ADGRL2: variants seen among roughly 807,000 people sequenced by gnomAD.
ADGRL2 encodes calcium-independent alpha-latrotoxin receptor 2.
In ADGRL2, 44 loss-of-function variants were observed where a neutral mutation model predicts 157.4. The observed-to-expected ratio is 0.28, with a 90% confidence interval of 0.22 to 0.36. ADGRL2 has a LOEUF of 0.36. Ranked by LOEUF, ADGRL2 falls within the 10% of genes least tolerant of loss-of-function variation. The pLI is 1.00. For synonymous variants in ADGRL2, 585 were observed against 624.7 expected, an observed-to-expected ratio of 0.94 and a Z score of 0.95; for missense variants, 1,510 against 1,768.9, an observed-to-expected ratio of 0.85 and a Z score of 2.63.
intron 1 of ADGRL2, among the ~76,000 whole-genome samples, chr1:81,745,907 T>C (rs2085231378): frequency 6.6e-6 from 1 of 152,114 alleles, no homozygotes; most frequent in East Asian, 1.9e-4. Flanking sequence ...ATAAAATGAC[T>C]CGAGGCCAAA....
chr1:81,652,143 C>A (rs1378502541), intron 3 of ADGRL2, among the ~76,000 whole-genome samples: 1 of 152,068 alleles, frequency 6.6e-6, no homozygotes, highest in Admixed American at 6.6e-5. Context: ...ATTTGAGAAT[C>A]CAATAAAAAA....
intron 2 of ADGRL2, among the ~76,000 whole-genome samples, chr1:81,450,125 G>C (rs559485662): frequency 6.6e-6 from 1 of 152,336 alleles, no homozygotes; most frequent in South Asian, 2.1e-4. Flanking sequence ...CTTTAACAGA[G>C]AGAGGGTGGA....
intron 2 of ADGRL2, among the ~76,000 whole-genome samples, chr1:81,901,241 G>T (rs772996402): frequency 6.6e-6 from 1 of 151,870 alleles, no homozygotes; most frequent in Non-Finnish European, 1.5e-5. Flanking sequence ...TTACAAATAC[G>T]TTCAAAAATC....
chr1:81,815,870 A>T (rs2090347691), intron 1 of ADGRL2, among the ~76,000 whole-genome samples: 1 of 151,814 alleles, frequency 6.6e-6, no homozygotes, highest in Non-Finnish European at 1.5e-5. Flanking sequence ...ATTTAGGTTA[A>T]TATTACATGA....
intron 2 of ADGRL2, among the ~76,000 whole-genome samples, chr1:81,534,417 C>T (rs141979318): frequency 4.6e-5 from 7 of 152,312 alleles, no homozygotes; most frequent in African/African-American, 1.7e-4. Context: ...CAGCCTTGGC[C>T]TCCCAAAGTG....
intron 1 of ADGRL2, among the ~76,000 whole-genome samples, chr1:81,367,166 C>A (rs2076080780): frequency 6.6e-6 from 1 of 151,924 alleles, no homozygotes; most frequent in South Asian, 2.1e-4. Flanking sequence ...TTTCTATGTA[C>A]TTGGACAAGC....
At chr1:81,914,919 T>G (rs1169008753) in intron 3 of ADGRL2, among the ~76,000 whole-genome samples, 1 of 152,226 alleles carries the variant, frequency 6.6e-6, no homozygotes, top group Non-Finnish European at 1.5e-5. Flanking sequence ...AAGGGGAGAC[T>G]GTTGGCAGTA....
At chr1:81,503,782 G>C (rs192687701) in intron 2 of ADGRL2, among the ~76,000 whole-genome samples, 106 of 152,244 alleles carry the variant, frequency 7.0e-4, no homozygotes, top group African/African-American at 2.5e-3. Flanking sequence ...ACAGTGTATC[G>C]ACAATCTGTC....
chr1:81,906,321 T>C (rs2094583629), intron 2 of ADGRL2, among the ~76,000 whole-genome samples: 1 of 152,172 alleles, frequency 6.6e-6, no homozygotes, highest in Non-Finnish European at 1.5e-5. Flanking sequence ...ATCATACCAG[T>C]ATGTCACCCA....
rs80067721 is a variant in ADGRL2, at chr1:81,510,094, T to C, written c.-248+65005T>C. ...ATGATGGTAATAAACAGGCTGGTACTACCCACTGATTAAAGTGTCATGATG... is the reference window on the plus strand; with the variant it reads ...ATGATGGTAATAAACAGGCTGGTACCACCCACTGATTAAAGTGTCATGATG... On this transcript the variant is annotated intron_variant, in intron 2 of 24. Transcript: ENST00000370721. Among the ~76,000 whole-genome samples, 1,195 of 152,284 alleles carry C rather than the reference T, an allele frequency of 7.8e-3. 14 individuals carry two copies. The highest frequency in any genetic ancestry group is 0.026 in the African/African-American group (1,099 of 41,552).
chr1:81,596,463 A>G, intron 3 of ADGRL2: 1 of 456,414 alleles, frequency 2.2e-6, no homozygotes, highest in Non-Finnish European at 4.3e-6. Context: ...GTGAATTGTC[A>G]CCTCCGGCTC....
intron 3 of ADGRL2, among the ~76,000 whole-genome samples, chr1:81,635,628 T>A (rs1049781915): frequency 6.6e-6 from 1 of 152,124 alleles, no homozygotes; most frequent in Admixed American, 6.6e-5. Flanking sequence ...ACAGAAGGGG[T>A]AAGAGCTCTC....
intron 1 of ADGRL2, among the ~76,000 whole-genome samples, chr1:81,827,021 T>C (rs147629595): frequency 0.016 from 2,267 of 141,066 alleles, 41 homozygotes; most frequent in East Asian, 0.057. Flanking sequence ...AGTAGACTTA[T>C]GAAAAATAAA....
intron 2 of ADGRL2, among the ~76,000 whole-genome samples, chr1:81,462,685 T>C (rs1482298261): frequency 6.6e-6 from 1 of 152,228 alleles, no homozygotes; most frequent in Non-Finnish European, 1.5e-5. Flanking sequence ...AGTATTTTAT[T>C]AAGTGTTTGA....
At chr1:81,722,348 A>G (rs1266859123) in intron 1 of ADGRL2, 5 of 719,538 alleles carry the variant, frequency 6.9e-6, no homozygotes, top group East Asian at 2.6e-5. Flanking sequence ...ATATGATAAG[A>G]AAGTGGTTGC....
intron 2 of ADGRL2, among the ~76,000 whole-genome samples, chr1:81,869,903 T>C (rs2093647923): frequency 6.6e-6 from 1 of 152,070 alleles, no homozygotes; most frequent in Admixed American, 6.6e-5. Context: ...TGAGAATTTG[T>C]TAGCTATTTG....
chr1:81,869,734 A>G (rs1404753286), intron 2 of ADGRL2, among the ~76,000 whole-genome samples: 1 of 152,088 alleles, frequency 6.6e-6, no homozygotes, highest in Non-Finnish European at 1.5e-5. Flanking sequence ...GTGACTCAGA[A>G]TTGAGTAATA....
intron 2 of ADGRL2, among the ~76,000 whole-genome samples, chr1:81,556,672 T>C (rs2080287601): frequency 1.3e-5 from 2 of 151,992 alleles, no homozygotes; most frequent in Admixed American, 1.3e-4. Context: ...TTTTATAAAG[T>C]ACTCAAGAAA....
chr1:81,425,964 T>A (rs1326071381), intron 1 of ADGRL2, among the ~76,000 whole-genome samples: 1 of 152,106 alleles, frequency 6.6e-6, no homozygotes, highest in Non-Finnish European at 1.5e-5. Context: ...ACTCCTGGGC[T>A]CAGGTTGTTC....
Sources: gnomAD v4.1 joint callset for allele counts (sites outside exome capture counted in the v4.1 genomes callset) on GRCh38, gnomAD v4.1.1 for gene constraint, MANE v1.5 for transcripts, NCBI Gene and HGNC (gene_info 2026-07-23, HGNC 2026-07-21) for gene names.